COL28A1: variants seen among roughly 807,000 people sequenced by gnomAD.
The protein encoded by COL28A1 is collagen alpha-1(XXVIII) chain.
A neutral mutation model predicts 150.2 loss-of-function variants in COL28A1; 161 were observed. The ratio of observed to expected loss-of-function variants is 1.07; its 90% CI spans 0.94 to 1.22. The LOEUF is 1.22. Ranked by LOEUF, COL28A1 falls within the 50% of genes most tolerant of loss-of-function variation. The pLI, the probability that COL28A1 is intolerant of heterozygous loss-of-function variation, is 0.00. For missense variants in COL28A1, 1,617 were observed against 1,388.3 expected (o/e 1.16, Z -2.62); for synonymous variants, 552 against 469.7 (o/e 1.18, Z -2.26).
At chr7:7,510,634 C>G (rs1272259104) in intron 9 of COL28A1, among the ~76,000 whole-genome samples, 1 of 152,118 alleles carries the variant, frequency 6.6e-6, no homozygotes, top group East Asian at 1.9e-4. Context: ...TTGTTTGTGT[C>G]TACATTTTCA....
At position 7,363,742 on chromosome 7, in the gene COL28A1, A is replaced by T. The variant is rs191131687; in HGVS notation, c.3067-3214T>A. On this transcript the variant is annotated intron_variant, in intron 33 of 34. Coordinates refer to ENST00000399429, the MANE Select transcript of COL28A1 (RefSeq NM_001037763.3). ...AGTTTTCTATGCTCTATGCTATTTTAAAAAATATACTATATTATGATCATT... is the reference window on the plus strand; with the variant it reads ...AGTTTTCTATGCTCTATGCTATTTTTAAAAATATACTATATTATGATCATT... Among the ~76,000 whole-genome samples, 750 of 152,164 alleles carry T rather than the reference A, an allele frequency of 4.9e-3. 3 individuals carry two copies. The highest frequency in any genetic ancestry group is 0.014 in the Middle Eastern group (4 of 294).
upstream of COL28A1, among the ~76,000 whole-genome samples, chr7:7,537,225 C>T (rs888034483): frequency 1.3e-5 from 2 of 152,146 alleles, no homozygotes; most frequent in Non-Finnish European, 2.9e-5. Context: ...GGACAGGATG[C>T]AGTACTGTCA....
At chr7:7,390,080 G>A (rs1331732078) in intron 27 of COL28A1, among the ~76,000 whole-genome samples, 1 of 152,128 alleles carries the variant, frequency 6.6e-6, no homozygotes, top group East Asian at 1.9e-4. Context: ...AAATTTCAAC[G>A]GGAATGCTTC....
intron 27 of COL28A1, 66 bp from the exon 28 acceptor site, chr7:7,381,678 CA>C: frequency 8.8e-7 from 1 of 1,138,960 alleles, no homozygotes; most frequent in Non-Finnish European, 1.3e-6. Context: ...TTCTTTGGGT[CA>C]GAAACACACT....
chr7:7,490,468 G>C, intron 12 of COL28A1, 110 bp downstream of exon 12: 1 of 521,988 alleles, frequency 1.9e-6, no homozygotes, highest in Non-Finnish European at 3.4e-6. Context: ...ACTTCAGGAA[G>C]CCTCCTTGTG....
At chr7:7,530,910 A>G (rs1209853320) in intron 3 of COL28A1, among the ~76,000 whole-genome samples, 3 of 152,208 alleles carry the variant, frequency 2.0e-5, no homozygotes, top group African/African-American at 7.2e-5. Flanking sequence ...TTAGAAGAGT[A>G]AGAGAGAATA....
chr7:7,387,593 C>CAT (rs371558765), intron 27 of COL28A1, among the ~76,000 whole-genome samples: 5,934 of 150,380 alleles, frequency 0.039, 377 homozygotes, highest in African/African-American at 0.14. Context: ...ATGACACAGA[C>CAT]ATATATATAT....
At chr7:7,361,795 A>G (rs1377753283) in intron 33 of COL28A1, among the ~76,000 whole-genome samples, 3 of 151,754 alleles carry the variant, frequency 2.0e-5, no homozygotes, top group African/African-American at 7.3e-5. Context: ...ATGCTCATCA[A>G]TGATAGACTG....
At chr7:7,377,568 T>C (rs1294362178) in intron 30 of COL28A1, among the ~76,000 whole-genome samples, 2 of 152,090 alleles carry the variant, frequency 1.3e-5, no homozygotes, top group African/African-American at 4.8e-5. Flanking sequence ...CAGAGCATAC[T>C]GCATTACAGT....
chr7:7,422,978 C>A (rs934581455), intron 25 of COL28A1, among the ~76,000 whole-genome samples: 2 of 152,200 alleles, frequency 1.3e-5, no homozygotes, highest in African/African-American at 4.8e-5. Flanking sequence ...CAATCAAATG[C>A]AATGTGTGGG....
intron 27 of COL28A1, among the ~76,000 whole-genome samples, chr7:7,396,668 C>A (rs971676102): frequency 1.3e-5 from 2 of 152,086 alleles, no homozygotes; most frequent in African/African-American, 4.8e-5. Context: ...TCAGGCAAGC[C>A]ATTTGTTGAA....
At chr7:7,388,950 T>G (rs972079087) in intron 27 of COL28A1, among the ~76,000 whole-genome samples, 26 of 152,338 alleles carry the variant, frequency 1.7e-4, no homozygotes, top group Non-Finnish European at 3.4e-4. Flanking sequence ...GTAGGTTGCC[T>G]GTTCACTCTG....
chr7:7,444,639 T>A, intron 18 of COL28A1, 150 bp from the exon 19 acceptor site: 2 of 725,762 alleles, frequency 2.8e-6, no homozygotes, highest in Non-Finnish European at 4.4e-6. Context: ...GGGAAGCTAC[T>A]TAACATCCCT....
At chr7:7,407,210 T>C (rs1400459111) in intron 27 of COL28A1, among the ~76,000 whole-genome samples, 1 of 152,020 alleles carries the variant, frequency 6.6e-6, no homozygotes, top group Non-Finnish European at 1.5e-5. Context: ...CTAAAACGTT[T>C]AACTAATTGA....
chr7:7,510,576 C>T (rs746019347), intron 9 of COL28A1, among the ~76,000 whole-genome samples: 1 of 152,216 alleles, frequency 6.6e-6, no homozygotes, highest in Non-Finnish European at 1.5e-5. Context: ...TTAGCCACTG[C>T]GTTCAGCCTA....
chr7:7,517,692 T>C, intron 7 of COL28A1, 104 bp downstream of exon 7: 4 of 1,540,334 alleles, frequency 2.6e-6, no homozygotes, highest in Non-Finnish European at 3.6e-6. Context: ...ACAAGGTAGA[T>C]AGAAATCACT....
chr7:7,503,842 C>G (rs1187505944), intron 11 of COL28A1, among the ~76,000 whole-genome samples: 1 of 152,180 alleles, frequency 6.6e-6, no homozygotes, highest in Non-Finnish European at 1.5e-5. Flanking sequence ...ATGCCCACTT[C>G]ATAGACTCCG....
chr7:7,383,288 GT>G (rs1160911194), intron 27 of COL28A1, among the ~76,000 whole-genome samples: 1 of 94,588 alleles, frequency 1.1e-5, no homozygotes, highest in South Asian at 3.2e-4. Flanking sequence ...GTGTGTGTGT[GT>G]TTTTTTTGAG....
chr7:7,501,260 G>A (rs916347381), intron 11 of COL28A1, among the ~76,000 whole-genome samples: 8 of 152,290 alleles, frequency 5.3e-5, no homozygotes, highest in South Asian at 2.1e-4. Context: ...GGAGAAGGGA[G>A]GCAATTCATT....
Sources: gnomAD v4.1 joint callset for allele counts (sites outside exome capture counted in the v4.1 genomes callset) on GRCh38, gnomAD v4.1.1 for gene constraint, MANE v1.5 for transcripts, NCBI Gene and HGNC (gene_info 2026-07-23, HGNC 2026-07-21) for gene names.